Variants in THOC5 observed in about 807,000 individuals in gnomAD.
THOC5 encodes THO complex subunit 5.
A neutral mutation model predicts 92.9 loss-of-function variants in THOC5; 43 were observed. The observed-to-expected ratio is 0.46, with a 90% CI of 0.36 to 0.60. The LOEUF is 0.60. Among genes scored for constraint, THOC5 ranks in the 20% least tolerant of loss-of-function variants. THOC5 has a pLI of 0.00. For missense variants in THOC5, 659 were observed against 849.4 expected, an observed-to-expected ratio of 0.78 and a Z score of 2.79; for synonymous variants, 296 against 320.1, an observed-to-expected ratio of 0.92 and a Z score of 0.80.
At chr22:29,510,585 A>G (rs1323617238) in intron 19 of THOC5, among the ~76,000 whole-genome samples, 1 of 152,188 alleles carries the variant, frequency 6.6e-6, no homozygotes, top group East Asian at 1.9e-4. Context: ...CAGTCTGGGC[A>G]AGAGAGTAAG....
chr22:29,515,397 ATAACT>A (rs2063315384), intron 17 of THOC5, among the ~76,000 whole-genome samples: 1 of 152,224 alleles, frequency 6.6e-6, no homozygotes, highest in South Asian at 2.1e-4. Context: ...TAGTGCAAAC[ATAACT>A]TTTATACGTA....
chr22:29,550,046 T>C (rs951989275), intron 1 of THOC5, among the ~76,000 whole-genome samples: 1 of 152,088 alleles, frequency 6.6e-6, no homozygotes, highest in Non-Finnish European at 1.5e-5. Context: ...GGCAGAGTGC[T>C]CCATAAATTA....
At chr22:29,547,135 C>T (rs898562702) in intron 2 of THOC5, among the ~76,000 whole-genome samples, 1 of 151,926 alleles carries the variant, frequency 6.6e-6, no homozygotes, top group Non-Finnish European at 1.5e-5. Context: ...TGAGCCACTG[C>T]ACATGGCCCT....
intron 6 of THOC5, among the ~76,000 whole-genome samples, chr22:29,537,613 C>T (rs1250485890): frequency 6.6e-6 from 1 of 151,930 alleles, no homozygotes; most frequent in East Asian, 1.9e-4. Flanking sequence ...AAAAATTGGC[C>T]GGGCACAGTG....
intron 8 of THOC5, among the ~76,000 whole-genome samples, chr22:29,530,001 T>C (rs1201595731): frequency 1.3e-5 from 2 of 151,256 alleles, no homozygotes; most frequent in African/African-American, 4.9e-5. Flanking sequence ...AAATTAGCTG[T>C]GTGTGGTGGC....
intron 12 of THOC5, among the ~76,000 whole-genome samples, chr22:29,525,330 C>T (rs28583025): frequency 0.025 from 3,746 of 152,086 alleles, 137 homozygotes; most frequent in African/African-American, 0.081. Flanking sequence ...CCTGGGGATG[C>T]GATGATGGCT....
At chr22:29,529,627 T>G (rs1302597244) in intron 8 of THOC5, among the ~76,000 whole-genome samples, 2 of 152,180 alleles carry the variant, frequency 1.3e-5, no homozygotes, top group Non-Finnish European at 2.9e-5. Flanking sequence ...CCAGAAACAA[T>G]GACTCTCACC....
chr22:29,536,341 T>C (rs1041905990), intron 7 of THOC5: 2 of 314,528 alleles, frequency 6.4e-6, no homozygotes, highest in Non-Finnish European at 1.2e-5. Flanking sequence ...GTGGGGGCCA[T>C]GCAGGGGGTA....
At chr22:29,512,268 G>A in intron 17 of THOC5, 132 bp from the exon 18 acceptor site, 1 of 664,304 alleles carries the variant, frequency 1.5e-6, no homozygotes, top group South Asian at 1.9e-5. Flanking sequence ...AGTATATTCT[G>A]GTACCAACTG....
intron 11 of THOC5, among the ~76,000 whole-genome samples, chr22:29,526,225 C>T (rs2063540995): frequency 6.6e-6 from 1 of 152,022 alleles, no homozygotes; most frequent in South Asian, 2.1e-4. Context: ...GAGACTTTTA[C>T]AATCATTTAC....
At chr22:29,545,958 T>G (rs1023940595) in intron 2 of THOC5, among the ~76,000 whole-genome samples, 2 of 152,264 alleles carry the variant, frequency 1.3e-5, no homozygotes, top group Non-Finnish European at 2.9e-5. Context: ...GGGTTCTCCA[T>G]GAGCGCGCCA....
Position 29,508,316 on chromosome 22 carries a change from C to A in THOC5, c.*141G>T. 1 of 856,512 alleles carries A rather than the reference C, an allele frequency of 1.2e-6. No homozygotes were observed. The highest frequency in any genetic ancestry group is 1.7e-5 in the South Asian group (1 of 57,314). The allele number at this position is 856,512 out of a possible 1,614,324, so 53.1% of individuals were successfully genotyped here. On this transcript the variant is annotated 3_prime_UTR_variant, in exon 20 of 20. Transcript: ENST00000490103. The stretch of plus-strand genomic sequence containing the variant: ...AAGCCACCTTGCCAGGAACCACAGA[C>A]AAAGGCCACTGGTCAGGTGACGCTT...
chr22:29,540,790 T>C (rs1220439810), intron 5 of THOC5, among the ~76,000 whole-genome samples: 1 of 152,212 alleles, frequency 6.6e-6, no homozygotes, highest in Non-Finnish European at 1.5e-5. Flanking sequence ...ACATTATACA[T>C]TGTCAAAACC....
intron 12 of THOC5, among the ~76,000 whole-genome samples, chr22:29,521,874 G>A (rs1181169607): frequency 6.6e-6 from 1 of 152,110 alleles, no homozygotes; most frequent in Non-Finnish European, 1.5e-5. Flanking sequence ...CATGGATAAC[G>A]TCAGGAGCAA....
intron 3 of THOC5, 85 bp from the exon 4 acceptor site, chr22:29,543,627 C>G (rs2063948966): frequency 2.0e-6 from 2 of 981,236 alleles, no homozygotes; most frequent in African/African-American, 3.3e-5. Flanking sequence ...CCATCCTCAT[C>G]TGGGGCCAAA....
At chr22:29,531,085 A>AG in intron 8 of THOC5, 2 of 1,155,364 alleles carry the variant, frequency 1.7e-6, no homozygotes, top group East Asian at 8.9e-5. Context: ...CACCCTGTCT[A>AG]GGGGGCTGGG....
rs746073479 is a variant in THOC5 at position 29,536,742 on chromosome 22, T to C, written c.600-4A>G. On this transcript the variant is annotated splice_region_variant and splice_polypyrimidine_tract_variant and intron_variant, in intron 6 of 19. Transcript: ENST00000490103. ...CTCTCGGTACTTCTCTGCCAGCCTG[T>C]TGGGGGAGGAAAGAGCATTGTCACC... 11 of 1,561,422 alleles carry C rather than the reference T, an allele frequency of 7.0e-6. No homozygotes were observed. Among genetic ancestry groups the C allele is most frequent in the Middle Eastern group, 1.7e-4 (1 of 5,984 alleles).
intron 17 of THOC5, among the ~76,000 whole-genome samples, chr22:29,516,407 A>G (rs937728093): frequency 6.6e-6 from 1 of 152,212 alleles, no homozygotes; most frequent in Non-Finnish European, 1.5e-5. Context: ...TCTTAGAACT[A>G]CAGACAACTT....
intron 5 of THOC5, among the ~76,000 whole-genome samples, 178 bp from the exon 6 acceptor site, chr22:29,539,654 T>C (rs1270817066): frequency 6.6e-6 from 1 of 152,196 alleles, no homozygotes; most frequent in Non-Finnish European, 1.5e-5. Context: ...AGGTAGTTGG[T>C]GACATGCCAT....
Sources: gnomAD v4.1 joint callset for allele counts (sites outside exome capture counted in the v4.1 genomes callset) on GRCh38, gnomAD v4.1.1 for gene constraint, MANE v1.5 for transcripts, NCBI Gene and HGNC (gene_info 2026-07-23, HGNC 2026-07-21) for gene names.